The following SULT1B1 variants were observed in gnomAD, a reference collection of about 807,000 sequenced individuals.
SULT1B1 encodes sulfotransferase 1B1.
In SULT1B1, 28 loss-of-function variants were observed where a neutral mutation model predicts 34.6. That is an observed-to-expected ratio of 0.81 (90% CI 0.60 to 1.11). The LOEUF is 1.11. SULT1B1 is among the 50% of genes least tolerant of loss of function. The pLI is 0.00. For missense variants in SULT1B1, 374 were observed against 352.2 expected (o/e 1.06, Z -0.50); for synonymous variants, 147 against 110.2 (o/e 1.33, Z -2.09).
intron 3 of SULT1B1, among the ~76,000 whole-genome samples, chr4:69,752,274 C>T (rs540576521): frequency 3.9e-5 from 6 of 152,234 alleles, no homozygotes; most frequent in Admixed American, 2.0e-4. Flanking sequence ...CTTGCTCTTT[C>T]GCCCAGGCTG....
intron 4 of SULT1B1, among the ~76,000 whole-genome samples, chr4:69,747,435 C>T (rs1387018241): frequency 6.6e-6 from 1 of 152,224 alleles, no homozygotes; most frequent in Admixed American, 6.5e-5. Context: ...AGGCTGTGCA[C>T]TAAGCCAGTG....
At position 69,727,084 on chromosome 4, in the gene SULT1B1, C is replaced by T. The variant is rs1379853510; in HGVS notation, c.*4G>A. On this transcript the variant is annotated 3_prime_UTR_variant, in exon 8 of 8. Transcript: ENST00000310613. The stretch of plus-strand genomic sequence containing the variant: ...TATTTCTTCAGATGTGTGATTTAGA[C>T]ACTTTAAATCTCTGTGCGGAATTGA... 1.3e-6 allele frequency: 2 copies of T among 1,587,326 alleles called. No individual in the cohort carries two copies. The highest frequency in any genetic ancestry group is 1.4e-5 in the African/African-American group (1 of 73,390).
rs1440734843 is a variant in SULT1B1, at chr4:69,726,826, A to G, written c.*262T>C. On this transcript the variant is annotated 3_prime_UTR_variant, in exon 8 of 8. Transcript: ENST00000310613. Reference sequence around the variant, plus strand: ...TCTTTCTTATCAGTACTAGTGTAGAAAAAGGCAGGAAGAGCCTGTGGTTAC... The same window carrying G: ...TCTTTCTTATCAGTACTAGTGTAGAGAAAGGCAGGAAGAGCCTGTGGTTAC... 3.1e-6 allele frequency: 1 copy of G among 318,006 alleles called. No homozygotes were observed. Among genetic ancestry groups the G allele is most frequent in the Non-Finnish European group, 5.7e-6 (1 of 175,350 alleles). 19.7% of individuals were successfully genotyped at this position (318,006 alleles called of 1,614,324 possible). A position where few individuals can be genotyped will look rare whatever the true frequency, so the allele number is the denominator to read the frequency against.
At chr4:69,760,167 C>T (rs533729649) in intron 1 of SULT1B1, 22 of 933,904 alleles carry the variant, frequency 2.4e-5, no homozygotes, top group East Asian at 1.2e-4. Context: ...AGCAGAGAAA[C>T]GAAAACTTGA....
At chr4:69,754,243 C>T (rs1481303982) in intron 3 of SULT1B1, among the ~76,000 whole-genome samples, 2 of 152,030 alleles carry the variant, frequency 1.3e-5, no homozygotes, top group Non-Finnish European at 2.9e-5. Flanking sequence ...TATACCATAG[C>T]ACAGTGAATA....
At chr4:69,735,257 T>C (rs1718256369) in intron 4 of SULT1B1, among the ~76,000 whole-genome samples, 1 of 152,172 alleles carries the variant, frequency 6.6e-6, no homozygotes, top group Non-Finnish European at 1.5e-5. Context: ...ATCTCCTATA[T>C]ACTCTTGGAT....
At position 69,734,306 on chromosome 4, in the gene SULT1B1, A is replaced by G. The variant is rs745886301; in HGVS notation, c.376-42T>C. ...GGGTAGGAGAAAAAAATAAGATAAA[A>G]GACATTTTGTTTAGGAAAAAATTAA... On this transcript the variant is annotated intron_variant, in intron 4 of 7. Coordinates refer to ENST00000310613, the MANE Select transcript of SULT1B1 (RefSeq NM_014465.4). The G allele has an allele frequency of 3.2e-6, 5 of 1,585,286 alleles. No individual in the cohort carries two copies. The Admixed American group carries it at 9.1e-5, about 29-fold the overall frequency.
intron 4 of SULT1B1, among the ~76,000 whole-genome samples, chr4:69,744,492 T>G (rs1021001660): frequency 6.6e-6 from 1 of 152,200 alleles, no homozygotes; most frequent in African/African-American, 2.4e-5. Flanking sequence ...GTCTCCCCAC[T>G]GCAGCCGATG....
intron 7 of SULT1B1, among the ~76,000 whole-genome samples, chr4:69,727,834 A>T (rs1717895369): frequency 6.6e-6 from 1 of 152,028 alleles, no homozygotes; most frequent in Non-Finnish European, 1.5e-5. Flanking sequence ...ATAAAAATTT[A>T]AATTTAGTCT....
intron 4 of SULT1B1, among the ~76,000 whole-genome samples, chr4:69,743,052 C>T (rs915728391): frequency 6.6e-6 from 1 of 152,210 alleles, no homozygotes; most frequent in Non-Finnish European, 1.5e-5. Flanking sequence ...GGTTTGGGCT[C>T]CTTGAAGGGC....
intron 4 of SULT1B1, among the ~76,000 whole-genome samples, chr4:69,736,073 T>C (rs771408904): frequency 3.3e-5 from 5 of 152,160 alleles, no homozygotes; most frequent in Non-Finnish European, 7.4e-5. Context: ...TATGAGACAT[T>C]GCATTGAACT....
chr4:69,744,349 G>A (rs1318146976), intron 4 of SULT1B1, among the ~76,000 whole-genome samples: 1 of 152,200 alleles, frequency 6.6e-6, no homozygotes, highest in Non-Finnish European at 1.5e-5. Flanking sequence ...TGGAGGCTCT[G>A]GACCTGGAAG....
At chr4:69,735,096 G>T (rs778041380) in intron 4 of SULT1B1, among the ~76,000 whole-genome samples, 1 of 152,140 alleles carries the variant, frequency 6.6e-6, no homozygotes, top group Non-Finnish European at 1.5e-5. Context: ...GGGATTACAG[G>T]CATGAACCAT....
At chr4:69,759,635 G>A (rs72648456) in intron 1 of SULT1B1, among the ~76,000 whole-genome samples, 17,249 of 152,184 alleles carry the variant, frequency 0.11, 1,079 homozygotes, top group Middle Eastern at 0.18. Context: ...GGGGAGAAGA[G>A]TATGGAGAGG....
chr4:69,754,851 G>C, intron 2 of SULT1B1, 53 bp from the exon 3 acceptor site: 1 of 1,574,876 alleles, frequency 6.3e-7, no homozygotes, highest in South Asian at 1.2e-5. Flanking sequence ...CACGGGAGAG[G>C]GAGAAGAATT....
At chr4:69,736,668 T>C (rs938600341) in intron 4 of SULT1B1, among the ~76,000 whole-genome samples, 2 of 152,008 alleles carry the variant, frequency 1.3e-5, no homozygotes, top group South Asian at 2.1e-4. Flanking sequence ...GTTAAATATA[T>C]GGAAATTATA....
chr4:69,749,778 C>T lies in SULT1B1; in HGVS notation c.318G>A (p.Val106=), dbSNP rs1412266505. 6.2e-7 allele frequency: 1 copy of T among 1,613,680 alleles called. No homozygotes were observed. The highest frequency in any genetic ancestry group is 8.5e-7 in the Non-Finnish European group (1 of 1,179,708). Reference sequence around the variant, plus strand: ...GAAGATCAGTCGGTAGATGTGTTTTCACAATCCGGGGTGATGGATTCTTCT... The same window carrying T: ...GAAGATCAGTCGGTAGATGTGTTTTTACAATCCGGGGTGATGGATTCTTCT... The part of the protein sequence containing the change: ...QLEKNPSPRI[V]KTHLPTDLLP... Residue 106 remains valine, a synonymous_variant, in exon 4 of 8, where the codon GTG becomes GTA. Coordinates refer to ENST00000310613, the MANE Select transcript of SULT1B1 (RefSeq NM_014465.4).
At chr4:69,746,545 T>A (rs1718752147) in intron 4 of SULT1B1, among the ~76,000 whole-genome samples, 2 of 152,204 alleles carry the variant, frequency 1.3e-5, no homozygotes, top group Admixed American at 1.3e-4. Context: ...ATTTTTTATT[T>A]CCAGAAGTTC....
At chr4:69,753,086 T>C (rs1719040978) in intron 3 of SULT1B1, among the ~76,000 whole-genome samples, 1 of 152,192 alleles carries the variant, frequency 6.6e-6, no homozygotes, top group Non-Finnish European at 1.5e-5. Flanking sequence ...CATTGCCTAA[T>C]GAATATATTT....
Sources: allele counts gnomAD v4.1 joint callset (sites outside exome capture counted in the v4.1 genomes callset), GRCh38; gene constraint gnomAD v4.1.1; transcripts MANE v1.5; gene names NCBI Gene and HGNC (gene_info 2026-07-23, HGNC 2026-07-21).